The following FAM9B variants were observed in gnomAD, a reference collection of about 807,000 sequenced individuals.
FAM9B encodes the protein family with sequence similarity 9 member B.
In FAM9B, 18 loss-of-function variants were observed where a neutral mutation model predicts 16.6. That is an observed-to-expected ratio of 1.09 (90% CI 0.75 to 1.61). The LOEUF is 1.61. Ranked by LOEUF, FAM9B falls within the 40% of genes most tolerant of loss-of-function variation. FAM9B has a pLI of 0.00. For missense variants in FAM9B, 155 were observed against 136.0 expected, an observed-to-expected ratio of 1.14 and a Z score of -0.70; for synonymous variants, 43 against 42.6, an observed-to-expected ratio of 1.01 and a Z score of -0.03.
rs1356683401 is a variant in FAM9B at position 9,025,376 on chromosome X, A to T, written c.*33T>A. 4.1e-6 allele frequency: 2 copies of T among 482,906 alleles called. No homozygotes were observed. The highest frequency in any genetic ancestry group is 6.5e-6 in the Non-Finnish European group (2 of 307,951). The allele number at this position is 482,906 out of a possible 1,213,427, so 39.8% of individuals were successfully genotyped here. On this transcript the variant is annotated splice_region_variant and 3_prime_UTR_variant, in exon 9 of 9. Transcript: ENST00000327220. ...CTGGGTAAGTGCCAACTTTTCCAAA[A>T]GCTGTTTCAAAAAAAAATTTAAGTA...
At chrX:9,025,401 A>C in intron 8 of FAM9B, 24 bp from the exon 9 acceptor site, 1 of 662,872 alleles carries the variant, frequency 1.5e-6, no homozygotes, top group African/African-American at 2.2e-5. Flanking sequence ...AAATTTAAGT[A>C]ACTGTAATAC....
chrX:9,033,206 GA>G, intron 1 of FAM9B, 131 bp from the exon 2 acceptor site: 2 of 1,134,217 alleles, frequency 1.8e-6, no homozygotes, highest in Non-Finnish European at 1.2e-6. Flanking sequence ...GGAAGGGACG[GA>G]AAAGATGCCA....
chrX:9,032,539 G>A (rs1175657699), intron 2 of FAM9B, 78 bp from the exon 3 acceptor site: 6 of 415,619 alleles, frequency 1.4e-5, no homozygotes, highest in Middle Eastern at 4.7e-4. Context: ...AAATGTACTA[G>A]TTGTAGACTT....
At chrX:9,031,269 T>C (rs766341708) in intron 4 of FAM9B, 1 of 111,688 alleles carries the variant, frequency 9.0e-6, no homozygotes, top group Non-Finnish European at 1.9e-5. Context: ...AATAAGAGTA[T>C]TGTCTCCATC....
rs749522406 is a variant in FAM9B, at chrX:9,032,174, T to C, written c.150-13A>G. On this transcript the variant is annotated splice_polypyrimidine_tract_variant and intron_variant, in intron 3 of 8. Transcript: ENST00000327220. ...CTTGGTATTAGCCCTGTAAAAAAAG[T>C]TACATCAAAATTTTAACAAAATACT... 1.7e-6 allele frequency: 2 copies of C among 1,201,437 alleles called. No individual in the cohort carries two copies. Among genetic ancestry groups the C allele is most frequent in the Non-Finnish European group, 2.2e-6 (2 of 891,677 alleles).
At chrX:9,028,604 C>T (rs2146822885) in intron 6 of FAM9B, among the ~76,000 whole-genome samples, 1 of 111,925 alleles carries the variant, frequency 8.9e-6, no homozygotes, top group African/African-American at 3.2e-5. Flanking sequence ...ATCCTCCAAA[C>T]AACTCTGACG....
chrX:9,027,516 C>T (rs991137214), intron 7 of FAM9B, among the ~76,000 whole-genome samples: 1 of 111,130 alleles, frequency 9.0e-6, no homozygotes, highest in African/African-American at 3.3e-5. Flanking sequence ...TCCTACTGCT[C>T]AAGGTCATGG....
At chrX:9,033,699 T>A in intron 1 of FAM9B, 153 bp downstream of exon 1, 844 of 33,185 alleles carry the variant, frequency 0.025, no homozygotes, top group Non-Finnish European at 0.028. Context: ...CAGCCCACCC[T>A]AGCCCACCCT....
In FAM9B at chrX:9,027,849, G is replaced by A; in HGVS notation, c.492+19C>T. The stretch of plus-strand genomic sequence containing the variant: ...CGTGTTGTATTTTATAATGTATTAT[G>A]TTACCAAATAGAACAGACCTTTACG... On this transcript the variant is annotated intron_variant, in intron 7 of 8. Transcript: ENST00000327220. The A allele has an allele frequency of 1.7e-6, 2 of 1,164,870 alleles. No individual in the cohort carries two copies. Among genetic ancestry groups the A allele is most frequent in the East Asian group, 3.0e-5 (1 of 33,569 alleles).
chrX:9,027,707 C>T (rs1920980134), intron 7 of FAM9B, among the ~76,000 whole-genome samples, 161 bp downstream of exon 7: 1 of 112,030 alleles, frequency 8.9e-6, no homozygotes, highest in Non-Finnish European at 1.9e-5. Context: ...AATACATTTA[C>T]CAATTATATT....
chrX:9,029,359 GTGATGTAT>G lies in FAM9B; in HGVS notation c.333_340del (p.Glu111AspfsTer19), dbSNP rs1921004090. On this transcript the variant is annotated frameshift_variant, in exon 6 of 9. Coordinates refer to ENST00000327220, the MANE Select transcript of FAM9B (RefSeq NM_205849.3). LOFTEE classifies it high-confidence loss of function. Reference sequence around the variant, plus strand: ...TTCTTCTTCCTCTTTCTGCTCGTCTGTGATGTATTCTTCAAGGACATTTAGCAACTTCA... The same window carrying G: ...TTCTTCTTCCTCTTTCTGCTCGTCTGTCTTCAAGGACATTTAGCAACTTCA... 2 of 1,207,967 alleles carry G rather than the reference GTGATGTAT, an allele frequency of 1.7e-6. No individual in the cohort carries two copies. Among genetic ancestry groups the G allele is most frequent in the East Asian group, 3.0e-5 (1 of 33,735 alleles).
At chrX:9,033,207 A>T (rs1921144023) in intron 1 of FAM9B, 132 bp from the exon 2 acceptor site, 1 of 1,130,807 alleles carries the variant, frequency 8.8e-7, no homozygotes, top group African/African-American at 1.8e-5. Context: ...GAAGGGACGG[A>T]AAAGATGCCA....
intron 7 of FAM9B, among the ~76,000 whole-genome samples, chrX:9,027,557 A>T (rs1206754904): frequency 9.0e-6 from 1 of 111,603 alleles, no homozygotes; most frequent in East Asian, 2.8e-4. Context: ...CACAAAAAAA[A>T]TTTGCAACCT....
At chrX:9,032,487 C>T in intron 2 of FAM9B, 26 bp from the exon 3 acceptor site, 2 of 1,188,657 alleles carry the variant, frequency 1.7e-6, no homozygotes, top group Non-Finnish European at 2.3e-6. Flanking sequence ...AAAGACAAAC[C>T]TTTTTTAGAG....
At chrX:9,032,553 T>TGGG (rs149136773) in intron 2 of FAM9B, 92 bp from the exon 3 acceptor site, 84 of 292,315 alleles carry the variant, frequency 2.9e-4, no homozygotes, top group Non-Finnish European at 3.9e-4. Context: ...TAGACTTTTT[T>TGGG]GGGGGGGGGG....
At chrX:9,030,829 G>T (rs1321243772) in intron 4 of FAM9B, 1 of 111,894 alleles carries the variant, frequency 8.9e-6, no homozygotes, top group East Asian at 2.8e-4. Context: ...AATAAGAAAA[G>T]CATTTTTAAG....
chrX:9,033,712 G>A, intron 1 of FAM9B, 140 bp downstream of exon 1: 1 of 120,568 alleles, frequency 8.3e-6, no homozygotes, highest in Non-Finnish European at 1.1e-5. Context: ...CCCACCCTCA[G>A]GGCCTCGCCC....
In FAM9B at chrX:9,032,344, G is replaced by C. The variant is rs764409804; in HGVS notation, c.146C>G (p.Thr49Arg). Residue 49 changes from threonine to arginine, a missense_variant, in exon 3 of 9, where the codon ACG becomes AGG. Thr to Arg is a moderately conservative substitution (Grantham distance 71). Coordinates refer to ENST00000327220, the MANE Select transcript of FAM9B (RefSeq NM_205849.3). The stretch of plus-strand genomic sequence containing the variant: ...AAAAGTGACTTAAACACTTTACCCC[G>C]TGTGTTCATCTGTTTCAGCAAAAGG... The part of the protein sequence containing the change: ...REPFAETDEH[T>R]GANTKKPEDT... 1.7e-6 allele frequency: 2 copies of C among 1,209,268 alleles called. No individual in the cohort carries two copies. The highest frequency in any genetic ancestry group is 2.2e-6 in the Non-Finnish European group (2 of 895,110).
chrX:9,027,853 C>A lies in FAM9B; in HGVS notation c.492+15G>T. 1.7e-6 allele frequency: 2 copies of A among 1,177,552 alleles called. No individual in the cohort carries two copies. Among genetic ancestry groups the A allele is most frequent in the African/African-American group, 1.8e-5 (1 of 57,112 alleles). On this transcript the variant is annotated intron_variant, in intron 7 of 8. Coordinates refer to ENST00000327220, the MANE Select transcript of FAM9B (RefSeq NM_205849.3). ...TTGTATTTTATAATGTATTATGTTACCAAATAGAACAGACCTTTACGAATT... is the reference window on the plus strand; with the variant it reads ...TTGTATTTTATAATGTATTATGTTAACAAATAGAACAGACCTTTACGAATT...
Sources: gnomAD v4.1 joint callset for allele counts (sites outside exome capture counted in the v4.1 genomes callset) on GRCh38, gnomAD v4.1.1 for gene constraint, MANE v1.5 for transcripts, NCBI Gene and HGNC (gene_info 2026-07-23, HGNC 2026-07-21) for gene names.